Variants in CDH4 observed in about 807,000 individuals in gnomAD.
CDH4 encodes cadherin 4.
A neutral mutation model predicts 86.0 loss-of-function variants in CDH4; 33 were observed. The ratio of observed to expected loss-of-function variants is 0.38; its 90% confidence interval spans 0.29 to 0.51. CDH4 has a LOEUF of 0.51. Among genes scored for constraint, CDH4 ranks in the 20% least tolerant of loss-of-function variants. The probability of loss-of-function intolerance (pLI) is 0.86; values close to 1 mark genes in which losing one functional copy is unlikely to be tolerated. For synonymous variants in CDH4, 555 were observed against 549.4 expected (o/e 1.01, Z -0.14); for missense variants, 1,114 against 1,307.4 (o/e 0.85, Z 2.28).
At chr20:61,796,987 C>CT (rs1461478235) in intron 4 of CDH4, among the ~76,000 whole-genome samples, 2 of 152,094 alleles carry the variant, frequency 1.3e-5, no homozygotes, top group Non-Finnish European at 2.9e-5. Context: ...CCAGCTGTGG[C>CT]ATCAGCTCCC....
intron 4 of CDH4, 63 bp from the exon 5 acceptor site, chr20:61,844,605 G>C (rs1351812466): frequency 4.0e-6 from 6 of 1,499,422 alleles, no homozygotes; most frequent in Non-Finnish European, 5.4e-6. Context: ...GAATGTCAGA[G>C]ATCGGCCCCG....
Position 61,879,471 on chromosome 20 carries a change from C to T in CDH4, c.1050+5571C>T, listed in dbSNP as rs1984187541. Among the ~76,000 whole-genome samples the T allele has an allele frequency of 6.6e-6, 1 of 152,246 alleles. No homozygotes were observed. The highest frequency in any genetic ancestry group is 2.4e-5 in the African/African-American group (1 of 41,466). On this transcript the variant is annotated intron_variant, in intron 7 of 15. Transcript: ENST00000614565. This position sits in a 1 kb window ranked among gnomAD's most constrained non-coding sequence, Gnocchi z 4.1. ...CTTCTCAGCACCAGCCTCCATCTGA[C>T]AGAGTGAGTCATCTTTAGGAAGAAG...
intron 2 of CDH4, among the ~76,000 whole-genome samples, chr20:61,359,213 TC>T (rs1267655467): frequency 6.6e-6 from 1 of 152,154 alleles, no homozygotes; most frequent in East Asian, 1.9e-4. Context: ...AGAAAGCCCC[TC>T]TTAAACCTGG....
intron 2 of CDH4, among the ~76,000 whole-genome samples, chr20:61,664,214 C>T (rs2145836238): frequency 6.6e-6 from 1 of 152,316 alleles, no homozygotes; most frequent in Non-Finnish European, 1.5e-5. Context: ...GAGAGCAAGT[C>T]CAAGGCAGAC....
Position 61,879,187 on chromosome 20 carries a change from C to G in CDH4, c.1050+5287C>G, listed in dbSNP as rs561543152. ...GCTCCCCCGGGACCCGGCCTTCACC[C>G]AGCAGAGCCACTGCCCCCCTGGGCC... On this transcript the variant is annotated intron_variant, in intron 7 of 15. Transcript: ENST00000614565. The surrounding 1 kb of genome is among the most constrained non-coding windows in gnomAD (Gnocchi z 4.1). Among the ~76,000 whole-genome samples the G allele has an allele frequency of 2.0e-3, 309 of 152,348 alleles. No individual in the cohort carries two copies. The highest frequency in any genetic ancestry group is 3.4e-3 in the Middle Eastern group (1 of 294).
At chr20:61,399,119 C>CTTTT (rs926368033) in intron 2 of CDH4, among the ~76,000 whole-genome samples, 20 of 77,026 alleles carry the variant, frequency 2.6e-4, no homozygotes, top group Non-Finnish European at 3.8e-4. Flanking sequence ...GAAAAACCCA[C>CTTTT]TTTTTTTTTT....
intron 2 of CDH4, among the ~76,000 whole-genome samples, chr20:61,358,802 C>G (rs766656366): frequency 6.6e-6 from 1 of 152,006 alleles, no homozygotes; most frequent in Non-Finnish European, 1.5e-5. Flanking sequence ...CGCTTTAATG[C>G]GGGGGGGAAG....
intron 4 of CDH4, among the ~76,000 whole-genome samples, chr20:61,798,224 A>G (rs1300136859): frequency 7.2e-6 from 1 of 138,570 alleles, no homozygotes; most frequent in Admixed American, 7.3e-5. Flanking sequence ...ACCTCCTGCC[A>G]GGAGCACCCT....
intron 2 of CDH4, among the ~76,000 whole-genome samples, chr20:61,424,205 CCA>C (rs576314842): frequency 1.4e-5 from 2 of 142,906 alleles, no homozygotes; most frequent in Non-Finnish European, 3.2e-5. Context: ...CCACACGCAT[CCA>C]CACACAGCAC....
chr20:61,485,926 C>T (rs1331439498), intron 2 of CDH4, among the ~76,000 whole-genome samples: 1 of 152,216 alleles, frequency 6.6e-6, no homozygotes, highest in Non-Finnish European at 1.5e-5. Context: ...AACACACGCA[C>T]CCACTAATTA....
intron 2 of CDH4, among the ~76,000 whole-genome samples, chr20:61,512,180 G>T (rs371001345): frequency 5.8e-4 from 89 of 152,204 alleles, no homozygotes; most frequent in African/African-American, 2.1e-3. Context: ...GCTGCCCGGT[G>T]GTTTGGTCCA....
intron 4 of CDH4, among the ~76,000 whole-genome samples, chr20:61,825,579 G>A (rs1383679923): frequency 1.3e-5 from 2 of 152,140 alleles, no homozygotes; most frequent in Admixed American, 6.5e-5. Flanking sequence ...TTTGGAAGGC[G>A]AGACTGTATT....
Position 61,467,324 on chromosome 20 carries a change from A to G in CDH4, c.169+212387A>G, listed in dbSNP as rs2085478015. 7.2e-5 allele frequency among the ~76,000 whole-genome samples: 11 copies of G among 152,252 alleles called. No individual in the cohort carries two copies. The South Asian group carries it at 2.3e-3, about 32-fold the overall frequency. On this transcript the variant is annotated intron_variant, in intron 2 of 15. Coordinates refer to ENST00000614565, the MANE Select transcript of CDH4 (RefSeq NM_001794.5). Reference sequence around the variant, plus strand: ...CAATGACATTTGTTAATCACTTACTACATATCAGCGTTCCATTTGGGTTGG... The same window carrying G: ...CAATGACATTTGTTAATCACTTACTGCATATCAGCGTTCCATTTGGGTTGG...
intron 2 of CDH4, among the ~76,000 whole-genome samples, chr20:61,590,937 G>C (rs990588354): frequency 1.3e-5 from 2 of 151,904 alleles, no homozygotes; most frequent in African/African-American, 4.8e-5. Flanking sequence ...TGACATGAGG[G>C]CAGTTGGTCT....
rs976680574 is a variant in CDH4, at chr20:61,923,482, T to A, written c.1406T>A (p.Met469Lys). 1.1e-5 allele frequency: 17 copies of A among 1,614,054 alleles called. No homozygotes were observed. Among genetic ancestry groups the A allele is most frequent in the African/African-American group, 4.0e-5 (3 of 74,948 alleles). ...AVDYELNRAFMLTVMVSNQAP... is the reference protein window; with the variant it reads ...AVDYELNRAFKLTVMVSNQAP... ...GACTACGAGCTCAACAGAGCTTTCA[T>A]GCTGACAGTGATGGTGTCCAACCAG... The change falls in exon 10 of 16, where the codon ATG becomes AAG. Residue 469 changes from methionine to lysine, a missense_variant. Around this residue, in one of 3 missense-constraint regions of CDH4, gnomAD observed 705 missense variants for 914.1 expected, o/e 0.77. Coordinates refer to ENST00000614565, the MANE Select transcript of CDH4 (RefSeq NM_001794.5).
intron 2 of CDH4, among the ~76,000 whole-genome samples, chr20:61,346,925 C>G (rs1264619574): frequency 6.6e-6 from 1 of 152,020 alleles, no homozygotes; most frequent in Non-Finnish European, 1.5e-5. Context: ...ATCCCCATCC[C>G]ACATTCCCAG....
Position 61,320,274 on chromosome 20 carries a change from C to T in CDH4, c.169+65337C>T, listed in dbSNP as rs370229943. ...GCGTTCCTTGTTTCAGTTTTTGTCA[C>T]GATTGTTCATTTGCTCATTCAACCA... is the stretch of plus-strand genomic sequence containing the variant. On this transcript the variant is annotated intron_variant, in intron 2 of 15. Coordinates refer to ENST00000614565, the MANE Select transcript of CDH4 (RefSeq NM_001794.5). Among the ~76,000 whole-genome samples the T allele has an allele frequency of 7.8e-3, 1,186 of 152,232 alleles. 10 individuals are homozygous for T. Among genetic ancestry groups the T allele is most frequent in the African/African-American group, 0.017 (705 of 41,532 alleles).
At chr20:61,873,389 A>G (rs1244931997) in intron 6 of CDH4, among the ~76,000 whole-genome samples, 1 of 152,170 alleles carries the variant, frequency 6.6e-6, no homozygotes, top group Non-Finnish European at 1.5e-5. Flanking sequence ...GCCTCAGGCC[A>G]CCCGGCTCCA....
intron 2 of CDH4, among the ~76,000 whole-genome samples, chr20:61,439,816 GA>G (rs2085305032): frequency 6.6e-6 from 1 of 152,238 alleles, no homozygotes; most frequent in African/African-American, 2.4e-5. Flanking sequence ...CTCAGCACTA[GA>G]GGGGACTAGC....
Sources: gnomAD v4.1 joint callset for allele counts (sites outside exome capture counted in the v4.1 genomes callset) on GRCh38, gnomAD v4.1.1 for gene constraint, gnomAD v4.1.1 regional missense constraint, Gnocchi (gnomAD v3.1) non-coding constraint, MANE v1.5 for transcripts, NCBI Gene and HGNC (gene_info 2026-07-23, HGNC 2026-07-21) for gene names.